The following SLC45A4 variants were observed in gnomAD, a reference collection of about 807,000 sequenced individuals.
The protein encoded by SLC45A4 is solute carrier family 45 member 4.
In SLC45A4, 32 loss-of-function variants were observed where a neutral mutation model predicts 63.7. The observed-to-expected ratio is 0.50, with a 90% CI of 0.38 to 0.67. SLC45A4 has a LOEUF of 0.67. Among genes scored for constraint, SLC45A4 ranks in the 30% least tolerant of loss-of-function variants. SLC45A4 has a pLI of 0.00. For synonymous variants in SLC45A4, 535 were observed against 510.0 expected, an observed-to-expected ratio of 1.05 and a Z score of -0.66; for missense variants, 1,027 against 1,157.7, an observed-to-expected ratio of 0.89 and a Z score of 1.64.
intron 1 of SLC45A4, among the ~76,000 whole-genome samples, chr8:141,304,521 T>C (rs1467668872): frequency 7.1e-6 from 1 of 140,908 alleles, no homozygotes; most frequent in Non-Finnish European, 1.5e-5. Context: ...ATCGCACCAC[T>C]GCACTCCAGC....
chr8:141,282,626 C>T (rs771568238), intron 1 of SLC45A4, among the ~76,000 whole-genome samples: 8 of 152,274 alleles, frequency 5.3e-5, no homozygotes, highest in Non-Finnish European at 8.8e-5. Context: ...CACTCGCCTC[C>T]CCTTTGCACT....
chr8:141,246,173 GA>G (rs1166836241), intron 2 of SLC45A4, among the ~76,000 whole-genome samples: 1 of 152,176 alleles, frequency 6.6e-6, no homozygotes, highest in African/African-American at 2.4e-5. Context: ...GAGACAACGG[GA>G]AAAATTCCAA....
At chr8:141,223,009 C>T (rs996920752) in intron 2 of SLC45A4, among the ~76,000 whole-genome samples, 1 of 152,182 alleles carries the variant, frequency 6.6e-6, no homozygotes, top group Admixed American at 6.5e-5. Context: ...GGCACGCCAG[C>T]GGCTCATCTG....
At chr8:141,301,679 G>A (rs1830747023) in intron 1 of SLC45A4, among the ~76,000 whole-genome samples, 1 of 132,234 alleles carries the variant, frequency 7.6e-6, no homozygotes, top group Non-Finnish European at 1.5e-5. Context: ...AGGCTGCAGT[G>A]AGCCATGATC....
chr8:141,305,826 C>T (rs1830881831), intron 1 of SLC45A4, among the ~76,000 whole-genome samples: 1 of 152,224 alleles, frequency 6.6e-6, no homozygotes, highest in Non-Finnish European at 1.5e-5. Context: ...CAGATACAAT[C>T]CATTCACCAC....
rs577209110 is a variant in SLC45A4, at chr8:141,221,874, C to T, written c.242-109G>A. The T allele has an allele frequency of 1.6e-4, 185 of 1,125,624 alleles. No individual in the cohort carries two copies. The African/African-American group carries it at 2.4e-3, about 15-fold the overall frequency. The allele number at this position is 1,125,624 out of a possible 1,614,324, so 69.7% of individuals were successfully genotyped here. ...GTGCCTCTGTGTACACGCACGCATG[C>T]GCACATCCCCTGCTCAGGTTGTCTC... On this transcript the variant is annotated intron_variant, in intron 2 of 8. Transcript: ENST00000517878.
rs1828783659 is a variant in SLC45A4, at chr8:141,256,497, T to G, written c.-400-1868A>C. Reference sequence around the variant, plus strand: ...ACTCGGCTCCTCTCTCACACAGCCCTGATGGAGAAGGTGGGTCCCTGGCAC... The same window carrying G: ...ACTCGGCTCCTCTCTCACACAGCCCGGATGGAGAAGGTGGGTCCCTGGCAC... On this transcript the variant is annotated intron_variant, in intron 1 of 8. Coordinates refer to ENST00000517878, the MANE Select transcript of SLC45A4 (RefSeq NM_001286646.2). This position sits in a 1 kb window ranked among gnomAD's most constrained non-coding sequence, Gnocchi z 4.3. 1 of 455,874 alleles carries G rather than the reference T, an allele frequency of 2.2e-6. No individual in the cohort carries two copies. Among genetic ancestry groups the G allele is most frequent in the African/African-American group, 2.0e-5 (1 of 50,046 alleles). 28.2% of individuals were successfully genotyped at this position (455,874 alleles called of 1,614,324 possible).
chr8:141,264,105 C>T (rs1416635567), intron 1 of SLC45A4, among the ~76,000 whole-genome samples: 1 of 152,186 alleles, frequency 6.6e-6, no homozygotes, highest in East Asian at 1.9e-4. Context: ...TTTAAGAACG[C>T]AAGAGCATGT....
Position 141,254,069 on chromosome 8 carries a change from A to G in SLC45A4, c.161T>C (p.Met54Thr), listed in dbSNP as rs764622897. ...IDRIPMRLWV[M>T]HGAVMFGREF... ...CCTGCCAAACATCACCGCCCCGTGC[A>G]TCACCCACAGGCGCATGGGGATTCG... The change falls in exon 2 of 9, where the codon ATG (methionine) becomes ACG (threonine). Residue 54 changes from methionine (M) to threonine (T), a missense_variant. Transcript: ENST00000517878. The surrounding 1 kb of genome is among the most constrained non-coding windows in gnomAD (Gnocchi z 4.5). 1.3e-6 allele frequency: 2 copies of G among 1,536,184 alleles called. No homozygotes were observed. The highest frequency in any genetic ancestry group is 2.4e-5 in the South Asian group (2 of 84,068).
chr8:141,220,164 AGCAT>A (rs1826515633), intron 3 of SLC45A4, among the ~76,000 whole-genome samples: 1 of 152,236 alleles, frequency 6.6e-6, no homozygotes. Flanking sequence ...CTGTGCTGGA[AGCAT>A]GAATTCACTG....
intron 1 of SLC45A4, among the ~76,000 whole-genome samples, chr8:141,301,734 CAAAAAAAAAAAAA>C (rs564016568): frequency 1.5e-4 from 6 of 39,584 alleles, no homozygotes; most frequent in South Asian, 1.1e-3. Flanking sequence ...GACCCTATCT[CAAAAAAAAAAAAA>C]AAAAAAAAAA....
intron 2 of SLC45A4, 125 bp downstream of exon 2, chr8:141,253,864 C>G (rs1828640251): frequency 7.0e-7 from 1 of 1,422,268 alleles, no homozygotes; most frequent in Admixed American, 2.5e-5. Flanking sequence ...GGAGAGGAGA[C>G]AAAGACTCCA....
intron 1 of SLC45A4, among the ~76,000 whole-genome samples, chr8:141,265,511 G>A (rs2154614847): frequency 6.6e-6 from 1 of 152,318 alleles, no homozygotes; most frequent in South Asian, 2.1e-4. Flanking sequence ...CTTAGAGCAA[G>A]CAAATTGTTT....
At chr8:141,257,705 G>A (rs895873804) in intron 1 of SLC45A4, among the ~76,000 whole-genome samples, 1 of 152,222 alleles carries the variant, frequency 6.6e-6, no homozygotes, top group African/African-American at 2.4e-5. Context: ...ACTTGGCAAT[G>A]ACGTGAGACA....
intron 1 of SLC45A4, among the ~76,000 whole-genome samples, chr8:141,276,665 T>C (rs966664934): frequency 2.0e-5 from 3 of 152,198 alleles, no homozygotes; most frequent in African/African-American, 7.2e-5. Flanking sequence ...CAGGTATCCA[T>C]GAGTCAGCCC....
chr8:141,291,259 T>A lies in SLC45A4; in HGVS notation c.-401+16837A>T, dbSNP rs13340603. 6.3e-3 allele frequency among the ~76,000 whole-genome samples: 964 copies of A among 152,180 alleles called. 12 individuals carry two copies. Among genetic ancestry groups the A allele is most frequent in the African/African-American group, 0.022 (916 of 41,486 alleles). On this transcript the variant is annotated intron_variant, in intron 1 of 8. Coordinates refer to ENST00000517878, the MANE Select transcript of SLC45A4 (RefSeq NM_001286646.2). ...GAACAAGTTTACAGCTTTCACCACA[T>A]CTCCAAAGGAATCCATGACCCAGAA...
rs972984859 is a variant in SLC45A4 at position 141,255,163 on chromosome 8, G to T, written c.-400-534C>A. On this transcript the variant is annotated intron_variant, in intron 1 of 8. Transcript: ENST00000517878. ...GCTGGAGTGCGGTCACACGACCATG[G>T]CTCTCTGCAGCCTCAAACTCCTGGA... 2.0e-5 allele frequency among the ~76,000 whole-genome samples: 3 copies of T among 152,142 alleles called. No homozygotes were observed. In the East Asian group the frequency reaches 5.8e-4, roughly 29 times the overall value.
intron 1 of SLC45A4, among the ~76,000 whole-genome samples, chr8:141,272,518 A>G (rs1223662076): frequency 6.6e-6 from 1 of 152,196 alleles, no homozygotes; most frequent in Admixed American, 6.5e-5. Flanking sequence ...TACTGTGAAC[A>G]GGGCGGTACC....
At chr8:141,288,198 C>T (rs1286320398) in intron 1 of SLC45A4, among the ~76,000 whole-genome samples, 1 of 152,148 alleles carries the variant, frequency 6.6e-6, no homozygotes, top group Non-Finnish European at 1.5e-5. Context: ...TTAAGACAGG[C>T]TGGGAATTCA....
Sources: allele counts gnomAD v4.1 joint callset (sites outside exome capture counted in the v4.1 genomes callset), GRCh38; gene constraint gnomAD v4.1.1; non-coding constraint Gnocchi (gnomAD v3.1); transcripts MANE v1.5; gene names NCBI Gene and HGNC (gene_info 2026-07-23, HGNC 2026-07-21).